The following KCNJ1 variants were observed in gnomAD, a reference collection of about 807,000 sequenced individuals.
KCNJ1 encodes the protein potassium inwardly rectifying channel subfamily J member 1.
Under a neutral mutation model 21.9 loss-of-function variants are expected in KCNJ1, and 24 were observed. That is an observed-to-expected ratio of 1.10 (90% confidence interval 0.79 to 1.54). The LOEUF (loss-of-function observed/expected upper bound fraction) is 1.54, where lower values mean the gene tolerates loss of function less well. Ranked by LOEUF, KCNJ1 falls within the 40% of genes most tolerant of loss-of-function variation. The probability of loss-of-function intolerance (pLI) is 0.00; values close to 1 mark genes in which losing one functional copy is unlikely to be tolerated. For synonymous variants in KCNJ1, 152 were observed against 160.9 expected (o/e 0.94, Z 0.42); for missense variants, 457 against 455.4 (o/e 1.00, Z -0.03).
At chr11:128,844,833 T>C (rs938361856) in intron 2 of KCNJ1, among the ~76,000 whole-genome samples, 1 of 151,404 alleles carries the variant, frequency 6.6e-6, no homozygotes, top group Non-Finnish European at 1.5e-5. Context: ...CTATTGTTCC[T>C]CTATAGAAAT....
At chr11:128,841,843 G>C (rs1281700591) in intron 2 of KCNJ1, among the ~76,000 whole-genome samples, 1 of 152,178 alleles carries the variant, frequency 6.6e-6, no homozygotes, top group Admixed American at 6.5e-5. Flanking sequence ...GCTGCCAAGA[G>C]AATAAACAGC....
At chr11:128,861,364 G>C (rs1169931960) in intron 1 of KCNJ1, among the ~76,000 whole-genome samples, 1 of 152,226 alleles carries the variant, frequency 6.6e-6, no homozygotes, top group African/African-American at 2.4e-5. Flanking sequence ...TGGTACCATG[G>C]AGGGGCATGA....
chr11:128,848,846 C>A (rs1452014952), intron 2 of KCNJ1, among the ~76,000 whole-genome samples: 1 of 152,086 alleles, frequency 6.6e-6, no homozygotes, highest in African/African-American at 2.4e-5. Flanking sequence ...GAAGGTAAAC[C>A]AAGGTAAAAA....
At chr11:128,866,806 G>C (rs1339062077) in intron 1 of KCNJ1, among the ~76,000 whole-genome samples, 1 of 152,172 alleles carries the variant, frequency 6.6e-6, no homozygotes, top group Non-Finnish European at 1.5e-5. Flanking sequence ...GGCAGAGGTT[G>C]TGTTACTAGG....
Position 128,839,343 on chromosome 11 carries a change from G to C in KCNJ1, c.901C>G (p.Leu301Val), listed in dbSNP as rs750408282. 3 of 1,614,140 alleles carry C rather than the reference G, an allele frequency of 1.9e-6. No individual in the cohort carries two copies. The highest frequency in any genetic ancestry group is 1.7e-6 in the Non-Finnish European group (2 of 1,180,000). ...VRTSYVPEEV[L>V]WGYRFAPIVS... is the part of the protein sequence containing the mutation. ...ATGGGAGCAAAACGGTAGCCCCAAA[G>C]CACCTCCTCTGGGACATAGGATGTC... The change falls in exon 3 of 3, where the codon CTT becomes GTT. Residue 301 changes from leucine to valine, a missense_variant. Leu to Val is a conservative substitution (Grantham distance 32). Transcript: ENST00000392666.
intron 1 of KCNJ1, among the ~76,000 whole-genome samples, chr11:128,860,015 G>C (rs1943672251): frequency 6.7e-6 from 1 of 148,506 alleles, no homozygotes; most frequent in African/African-American, 2.5e-5. Flanking sequence ...CCGCTTACCA[G>C]CAGCAGCAGC....
At chr11:128,841,638 C>A (rs1032082510) in intron 2 of KCNJ1, among the ~76,000 whole-genome samples, 1 of 152,076 alleles carries the variant, frequency 6.6e-6, no homozygotes, top group Non-Finnish European at 1.5e-5. Flanking sequence ...TGTGTTTATT[C>A]GTAAGAACTA....
Position 128,839,604 on chromosome 11 carries a change from T to G in KCNJ1, c.640A>C (p.Thr214Pro), listed in dbSNP as rs1441473012. The G allele has an allele frequency of 6.2e-7, 1 of 1,614,082 alleles. No individual in the cohort carries two copies. The highest frequency in any genetic ancestry group is 2.2e-5 in the East Asian group (1 of 44,890). ...GTCTCTCCTTCAGGAGTGACTGTGG[T>G]CTTCAGAAGCTTTCCATAAATGTGA... ...GSHIYGKLLK[T>P]TVTPEGETII... The change falls in exon 3 of 3, where the codon ACC (threonine) becomes CCC (proline). Residue 214 changes from threonine (T) to proline (P), a missense_variant. Transcript: ENST00000392666.
intron 2 of KCNJ1, among the ~76,000 whole-genome samples, chr11:128,846,715 G>A (rs545440075): frequency 3.9e-5 from 6 of 152,292 alleles, no homozygotes; most frequent in South Asian, 2.1e-4. Context: ...CGACGGTACC[G>A]AGGCTTGATG....
intron 1 of KCNJ1, among the ~76,000 whole-genome samples, chr11:128,857,963 T>C (rs891051375): frequency 1.3e-5 from 2 of 152,234 alleles, no homozygotes; most frequent in Admixed American, 6.5e-5. Context: ...TTAGCATTTA[T>C]TGGCTTAATA....
intron 1 of KCNJ1, among the ~76,000 whole-genome samples, chr11:128,860,143 C>T (rs990710923): frequency 6.6e-6 from 1 of 152,378 alleles, no homozygotes; most frequent in African/African-American, 2.4e-5. Flanking sequence ...TCGGATTTCT[C>T]ATCTGTCAGA....
chr11:128,863,980 C>A (rs749031222), intron 1 of KCNJ1, among the ~76,000 whole-genome samples: 2 of 150,742 alleles, frequency 1.3e-5, no homozygotes, highest in African/African-American at 4.9e-5. Context: ...AATCGTCCTG[C>A]GTGGAGGAAG....
intron 1 of KCNJ1, chr11:128,866,664 G>A (rs1943820636): frequency 4.3e-6 from 1 of 232,040 alleles, no homozygotes; most frequent in African/African-American, 2.3e-5. Context: ...TCCTACATCA[G>A]AAAATGAAAG....
At chr11:128,842,383 A>C in intron 2 of KCNJ1, 1 of 1,613,812 alleles carries the variant, frequency 6.2e-7, no homozygotes, top group Non-Finnish European at 8.5e-7. Context: ...TCCACTTACC[A>C]ACGTGTCAAA....
chr11:128,846,157 G>A (rs114660332), intron 2 of KCNJ1, among the ~76,000 whole-genome samples: 1,594 of 152,206 alleles, frequency 0.01, 31 homozygotes, highest in African/African-American at 0.037. Context: ...CTTCTAGCTC[G>A]GGTTAGCACA....
Position 128,842,431 on chromosome 11 carries a change from A to G in KCNJ1, c.-21-2167T>C, listed in dbSNP as rs200666281. On this transcript the variant is annotated intron_variant, in intron 2 of 2. Coordinates refer to ENST00000392666, the MANE Select transcript of KCNJ1 (RefSeq NM_153766.3). The stretch of plus-strand genomic sequence containing the variant: ...GGAAGCATTCATGGCTGGAAAAAGC[A>G]AGGAAGTGGTGCTGGTTGTTGGTCT... 1.4e-4 allele frequency: 219 copies of G among 1,613,690 alleles called. 1 individual carries two copies. The highest frequency in any genetic ancestry group is 4.9e-5 in the Non-Finnish European group (58 of 1,179,736).
chr11:128,839,230 C>A lies in KCNJ1; in HGVS notation c.1014G>T (p.Met338Ile). Residue 338 changes from methionine to isoleucine, a missense_variant, in exon 3 of 3, where the codon ATG becomes ATT. Met to Ile is a conservative substitution (Grantham distance 10). Transcript: ENST00000392666. ...TVEVETPHCA[M>I]CLYNEKDVRA... is the part of the protein sequence containing the mutation. ...TAACATCTTTCTCATTATAAAGGCA[C>A]ATGGCACAGTGAGGGGTCTCCACTT... is the stretch of plus-strand genomic sequence containing the variant. 6.2e-7 allele frequency: 1 copy of A among 1,614,164 alleles called. No homozygotes were observed. Among genetic ancestry groups the A allele is most frequent in the Non-Finnish European group, 8.5e-7 (1 of 1,180,004 alleles).
At chr11:128,860,889 C>A (rs541040338) in intron 1 of KCNJ1, among the ~76,000 whole-genome samples, 1 of 152,272 alleles carries the variant, frequency 6.6e-6, no homozygotes, top group South Asian at 2.1e-4. Flanking sequence ...ATCTGGGAGA[C>A]GAAGATCATG....
rs115852435 is a variant in KCNJ1, at chr11:128,851,036, G to A, written c.-191-146C>T. The A allele has an allele frequency of 7.0e-4, 155 of 219,878 alleles. 2 individuals are homozygous for A. Among genetic ancestry groups the A allele is most frequent in the African/African-American group, 3.5e-3 (150 of 42,800 alleles). The allele number at this position is 219,878 out of a possible 1,614,324, so 13.6% of individuals were successfully genotyped here. On this transcript the variant is annotated intron_variant, in intron 1 of 2. Coordinates refer to ENST00000392666, the MANE Select transcript of KCNJ1 (RefSeq NM_153766.3). ...GGTAGAAAGGTCAGCTTGGGCTCCA[G>A]TGGACTCAACTTTAACCCAAGTTCT...
Sources: allele counts gnomAD v4.1 joint callset (sites outside exome capture counted in the v4.1 genomes callset), GRCh38; gene constraint gnomAD v4.1.1; transcripts MANE v1.5; gene names NCBI Gene and HGNC (gene_info 2026-07-23, HGNC 2026-07-21).